The following ARMH3 variants were observed in gnomAD, a reference collection of about 807,000 sequenced individuals.
The protein encoded by ARMH3 is armadillo like helical domain containing 3.
Under a neutral mutation model 99.1 loss-of-function variants are expected in ARMH3, and 60 were observed. That is an observed-to-expected ratio of 0.61 (90% CI 0.49 to 0.75). The LOEUF (loss-of-function observed/expected upper bound fraction) is 0.75. ARMH3 is among the 30% of genes least tolerant of loss of function. The pLI is 0.00. For synonymous variants in ARMH3, 285 were observed against 292.8 expected, an observed-to-expected ratio of 0.97 and a Z score of 0.27; for missense variants, 679 against 843.1, an observed-to-expected ratio of 0.81 and a Z score of 2.41.
chr10:102,025,298 C>A, intron 5 of ARMH3, 50 bp from the exon 6 acceptor site: 1 of 1,452,346 alleles, frequency 6.9e-7, no homozygotes, highest in Non-Finnish European at 9.7e-7. Context: ...AACACCCCAC[C>A]TTTGTCTAAC....
Position 102,041,090 on chromosome 10 carries a change from A to T in ARMH3, c.-11-965T>A, listed in dbSNP as rs553457895. ...ATTGTGTGTACATATATATATATATAATATATATATATATATATATATGTA... is the reference window on the plus strand; with the variant it reads ...ATTGTGTGTACATATATATATATATTATATATATATATATATATATATGTA... On this transcript the variant is annotated intron_variant, in intron 1 of 25. Transcript: ENST00000370033. Among the ~76,000 whole-genome samples, 1,319 of 132,654 alleles carry T rather than the reference A, an allele frequency of 9.9e-3. 15 individuals are homozygous for T. Among genetic ancestry groups the T allele is most frequent in the Middle Eastern group, 0.042 (10 of 240 alleles). 87.0% of individuals were successfully genotyped at this position (132,654 alleles called of 152,430 possible).
At chr10:101,873,221 G>C (rs2067175774) in intron 24 of ARMH3, among the ~76,000 whole-genome samples, 1 of 150,574 alleles carries the variant, frequency 6.6e-6, no homozygotes, top group Admixed American at 6.6e-5. Flanking sequence ...GACCAACATA[G>C]TGAAACCCCG....
At position 101,873,230 on chromosome 10, in the gene ARMH3, C is replaced by T. The variant is rs181571067; in HGVS notation, c.1860+16182G>A. Among the ~76,000 whole-genome samples, 1,399 of 150,384 alleles carry T rather than the reference C, an allele frequency of 9.3e-3. 19 individuals are homozygous for T. The highest frequency in any genetic ancestry group is 0.033 in the African/African-American group (1,328 of 40,828). On this transcript the variant is annotated intron_variant, in intron 24 of 25. Transcript: ENST00000370033. Reference sequence around the variant, plus strand: ...CAGCCTGACCAACATAGTGAAACCCCGTCTCTACTAAAAATACAAAAAAAA... The same window carrying T: ...CAGCCTGACCAACATAGTGAAACCCTGTCTCTACTAAAAATACAAAAAAAA...
At chr10:101,858,231 A>G (rs1378832341) in intron 24 of ARMH3, among the ~76,000 whole-genome samples, 1 of 152,230 alleles carries the variant, frequency 6.6e-6, no homozygotes. Context: ...GAAAAGTTCC[A>G]ATTAGTAGCT....
At chr10:101,930,008 G>A (rs1014973676) in intron 23 of ARMH3, among the ~76,000 whole-genome samples, 43 of 151,926 alleles carry the variant, frequency 2.8e-4, no homozygotes, top group African/African-American at 1.0e-3. Context: ...ACATCATGTT[G>A]GTACTCAAAA....
At chr10:101,909,367 A>G (rs1842776076) in intron 23 of ARMH3, among the ~76,000 whole-genome samples, 2 of 147,632 alleles carry the variant, frequency 1.4e-5, no homozygotes, top group South Asian at 4.5e-4. Context: ...AGATTGCACC[A>G]CTGCACTCCA....
chr10:101,880,953 A>T (rs1263621237), intron 24 of ARMH3, among the ~76,000 whole-genome samples: 1 of 152,248 alleles, frequency 6.6e-6, no homozygotes, highest in Non-Finnish European at 1.5e-5. Flanking sequence ...AATGACTCTT[A>T]GGATCAGGAG....
At chr10:102,017,038 C>T (rs2066765343) in intron 8 of ARMH3, among the ~76,000 whole-genome samples, 2 of 152,114 alleles carry the variant, frequency 1.3e-5, no homozygotes, top group Admixed American at 6.6e-5. Flanking sequence ...TAGTTGGGTA[C>T]CCAACCTCTC....
intron 4 of ARMH3, among the ~76,000 whole-genome samples, chr10:102,031,319 G>A (rs1157444485): frequency 6.6e-6 from 1 of 152,130 alleles, no homozygotes. Flanking sequence ...AAATAATACT[G>A]TAAAGTACTT....
chr10:101,876,358 T>C (rs2067267589), intron 24 of ARMH3, among the ~76,000 whole-genome samples: 1 of 152,122 alleles, frequency 6.6e-6, no homozygotes, highest in African/African-American at 2.4e-5. Context: ...ACCTGAAATT[T>C]CTTTTCTTGG....
intron 8 of ARMH3, among the ~76,000 whole-genome samples, chr10:102,020,683 GAA>G (rs897977927): frequency 0.014 from 1,186 of 87,520 alleles, 18 homozygotes; most frequent in African/African-American, 0.042. Context: ...CTCCATCTCA[GAA>G]AAAAAAAAAA....
At chr10:102,011,923 A>G (rs1417527957) in intron 10 of ARMH3, 140 bp from the exon 11 acceptor site, 1 of 635,638 alleles carries the variant, frequency 1.6e-6, no homozygotes, top group Non-Finnish European at 2.7e-6. Context: ...ATCAAGCATC[A>G]TGACAATCCC....
intron 23 of ARMH3, among the ~76,000 whole-genome samples, chr10:101,902,714 G>A (rs1366561692): frequency 6.6e-6 from 1 of 152,084 alleles, no homozygotes; most frequent in East Asian, 1.9e-4. Flanking sequence ...GTGGGAAAAG[G>A]AGGGGAAACT....
intron 24 of ARMH3, among the ~76,000 whole-genome samples, chr10:101,861,034 G>C (rs1039515544): frequency 1.3e-5 from 2 of 152,088 alleles, no homozygotes; most frequent in African/African-American, 4.8e-5. Context: ...AGAAACAGCA[G>C]TCAATAGAAA....
intron 24 of ARMH3, among the ~76,000 whole-genome samples, chr10:101,884,060 G>A (rs2067483412): frequency 1.3e-5 from 2 of 151,658 alleles, no homozygotes; most frequent in Admixed American, 1.3e-4. Flanking sequence ...CACTAGCGAG[G>A]GACAAGCTGA....
chr10:101,925,690 C>T (rs1357869008), intron 23 of ARMH3, among the ~76,000 whole-genome samples: 1 of 152,052 alleles, frequency 6.6e-6, no homozygotes, highest in African/African-American at 2.4e-5. Context: ...GGGCAGATCA[C>T]CTGAGGACAG....
At chr10:102,029,820 C>T in intron 4 of ARMH3, 75 bp from the exon 5 acceptor site, 1 of 1,330,396 alleles carries the variant, frequency 7.5e-7, no homozygotes, top group Non-Finnish European at 1.0e-6. Flanking sequence ...CAGCCTCATC[C>T]TTACACAGCT....
At chr10:101,951,199 A>T (rs964470583) in intron 22 of ARMH3, among the ~76,000 whole-genome samples, 2 of 152,248 alleles carry the variant, frequency 1.3e-5, no homozygotes, top group Non-Finnish European at 2.9e-5. Context: ...AAGGTACATT[A>T]TCAAGATATC....
chr10:101,905,376 A>G (rs1416661678), intron 23 of ARMH3, among the ~76,000 whole-genome samples: 1 of 152,228 alleles, frequency 6.6e-6, no homozygotes, highest in African/African-American at 2.4e-5. Flanking sequence ...CTGTCCATTT[A>G]GTGATGGACA....
Sources: allele counts gnomAD v4.1 joint callset (sites outside exome capture counted in the v4.1 genomes callset), GRCh38; gene constraint gnomAD v4.1.1; transcripts MANE v1.5; gene names NCBI Gene and HGNC (gene_info 2026-07-23, HGNC 2026-07-21).